ABCC5: variants seen among roughly 807,000 people sequenced by gnomAD.
The protein encoded by ABCC5 is ATP-binding cassette sub-family C member 5.
In ABCC5, 61 loss-of-function variants were observed where a neutral mutation model predicts 160.9. The observed-to-expected ratio is 0.38, with a 90% confidence interval of 0.31 to 0.47. ABCC5 has a LOEUF of 0.47. ABCC5 is among the 20% of genes least tolerant of loss of function. ABCC5 has a pLI of 0.99. For missense variants in ABCC5, 1,308 were observed against 1,813.3 expected, an observed-to-expected ratio of 0.72 and a Z score of 5.06; for synonymous variants, 666 against 700.6, an observed-to-expected ratio of 0.95 and a Z score of 0.78.
At chr3:183,972,636 T>C (rs1717864467) in intron 10 of ABCC5, among the ~76,000 whole-genome samples, 1 of 152,168 alleles carries the variant, frequency 6.6e-6, no homozygotes, top group South Asian at 2.1e-4. Flanking sequence ...CCCTGAGTTA[T>C]GTTAAAAGAA....
At chr3:183,931,324 C>CTTTTT (rs61449343) in intron 26 of ABCC5, among the ~76,000 whole-genome samples, 1 of 131,530 alleles carries the variant, frequency 7.6e-6, no homozygotes, top group Non-Finnish European at 1.6e-5. Context: ...ACAGGCTTAA[C>CTTTTT]TTTTTTTTTT....
At chr3:183,939,818 A>G (rs1214175689) in intron 25 of ABCC5, among the ~76,000 whole-genome samples, 1 of 152,120 alleles carries the variant, frequency 6.6e-6, no homozygotes, top group Non-Finnish European at 1.5e-5. Flanking sequence ...CTGTTGAATC[A>G]CTTTTCCTTG....
rs1715173533 is a variant in ABCC5 at position 183,949,805 on chromosome 3, G to C, written c.3175C>G (p.Gln1059Glu). 6.2e-7 allele frequency: 1 copy of C among 1,614,114 alleles called. No homozygotes were observed. The highest frequency in any genetic ancestry group is 1.7e-5 in the Admixed American group (1 of 60,004). The change falls in exon 22 of 30, where the codon CAG (glutamine) becomes GAG (glutamate). Residue 1059 changes from glutamine to glutamate, a missense_variant. This residue lies in a region of ABCC5 where 1,142 missense variants were observed against 1,527.1 expected (regional missense o/e 0.75). Coordinates refer to ENST00000334444, the MANE Select transcript of ABCC5 (RefSeq NM_005688.4). The surrounding 1 kb of genome is among the most constrained non-coding windows in gnomAD (Gnocchi z 4.2). Reference protein sequence around the residue: ...PFLSHITSSIQGLATIHAYNK... With the variant: ...PFLSHITSSIEGLATIHAYNK... ...TAGGCGTGGATGGTGGCAAGGCCCT[G>C]TATGCTGGACGTGATGTGGGAGAGG...
chr3:183,982,429 T>C lies in ABCC5; in HGVS notation c.999+22A>G. The C allele has an allele frequency of 1.2e-6, 2 of 1,609,236 alleles. No individual in the cohort carries two copies. The highest frequency in any genetic ancestry group is 1.7e-6 in the Non-Finnish European group (2 of 1,177,276). ...ATCTCCTAAGGAGAAGCTGCCAGGA[T>C]TCAGCTGGGAGGCTTACTCACCATT... On this transcript the variant is annotated intron_variant, in intron 7 of 29. Coordinates refer to ENST00000334444, the MANE Select transcript of ABCC5 (RefSeq NM_005688.4). This position sits in a 1 kb window ranked among gnomAD's most constrained non-coding sequence, Gnocchi z 5.2.
rs756225074 is a variant in ABCC5 at position 183,987,847 on chromosome 3, A to G, written c.514T>C (p.Trp172Arg). The change falls in exon 5 of 30, where the codon TGG (tryptophan) becomes CGG (arginine). Residue 172 changes from tryptophan to arginine, a missense_variant. Around this residue, in one of 3 missense-constraint regions of ABCC5, gnomAD observed 1,142 missense variants for 1,527.1 expected, o/e 0.75. Coordinates refer to ENST00000334444, the MANE Select transcript of ABCC5 (RefSeq NM_005688.4). This position sits in a 1 kb window ranked among gnomAD's most constrained non-coding sequence, Gnocchi z 4.2. ...PDAASLRRVVWIFCRTRLILS... is the reference protein window; with the variant it reads ...PDAASLRRVVRIFCRTRLILS... ...ATGAGCCTGGTGCGGCAGAAGATCCACACAACCCTTCGCAGGGAAGCAGCG... is the reference window on the plus strand; with the variant it reads ...ATGAGCCTGGTGCGGCAGAAGATCCGCACAACCCTTCGCAGGGAAGCAGCG... 6.2e-7 allele frequency: 1 copy of G among 1,614,246 alleles called. No individual in the cohort carries two copies. Among genetic ancestry groups the G allele is most frequent in the South Asian group, 1.1e-5 (1 of 91,080 alleles).
At chr3:183,956,678 T>C (rs1283589615) in intron 17 of ABCC5, among the ~76,000 whole-genome samples, 1 of 114,552 alleles carries the variant, frequency 8.7e-6, no homozygotes, top group Non-Finnish European at 1.8e-5. Context: ...GTATATCATA[T>C]AGGTTACATG....
chr3:184,015,318 C>A (rs1215645116), intron 1 of ABCC5, among the ~76,000 whole-genome samples: 1 of 152,156 alleles, frequency 6.6e-6, no homozygotes, highest in Non-Finnish European at 1.5e-5. Context: ...ACAAAAAACA[C>A]ATACATACTT....
chr3:183,962,141 A>G (rs886199174), intron 15 of ABCC5, among the ~76,000 whole-genome samples: 7 of 152,238 alleles, frequency 4.6e-5, no homozygotes, highest in Non-Finnish European at 1.0e-4. Context: ...AACCCAACGT[A>G]AATTGAAAAT....
At chr3:184,002,927 G>C (rs939266413) in intron 2 of ABCC5, among the ~76,000 whole-genome samples, 3 of 152,156 alleles carry the variant, frequency 2.0e-5, no homozygotes, top group African/African-American at 7.2e-5. Flanking sequence ...AAGGCTGCCT[G>C]CTCCTGTCTG....
intron 2 of ABCC5, chr3:184,001,080 C>G: frequency 2.5e-6 from 1 of 407,358 alleles, no homozygotes; most frequent in Non-Finnish European, 4.3e-6. Context: ...CTCCAAAACC[C>G]CATCACTATA....
intron 8 of ABCC5, among the ~76,000 whole-genome samples, chr3:183,979,035 G>A (rs1035253035): frequency 2.6e-4 from 39 of 152,148 alleles, no homozygotes; most frequent in African/African-American, 7.7e-4. Context: ...AATGGCACTG[G>A]AGAATTAAAA....
intron 20 of ABCC5, 144 bp from the exon 21 acceptor site, chr3:183,950,269 G>A: frequency 2.0e-6 from 2 of 976,220 alleles, no homozygotes; most frequent in Non-Finnish European, 2.9e-6. Flanking sequence ...GAAAAATTTA[G>A]AAACCTGGAT....
At chr3:183,953,041 C>A in intron 18 of ABCC5, 45 bp downstream of exon 18, 4 of 1,551,658 alleles carry the variant, frequency 2.6e-6, no homozygotes, top group Non-Finnish European at 3.5e-6. Flanking sequence ...GGAGAAACGG[C>A]CACATTCTTA....
chr3:184,007,299 C>T (rs976098986), intron 2 of ABCC5, among the ~76,000 whole-genome samples: 6 of 151,832 alleles, frequency 4.0e-5, no homozygotes, highest in South Asian at 4.2e-4. Context: ...AGATTACAGG[C>T]GTGAGCCACC....
In ABCC5 at chr3:183,983,666, C is replaced by G. The variant is rs1246878449; in HGVS notation, c.592-659G>C. ...AAGGCGGCCAGCCCCCAAGAACCAC[C>G]GAGTGCCACCTCCAGCTGAGGTCCT... On this transcript the variant is annotated intron_variant, in intron 5 of 29. Transcript: ENST00000334444. 3.3e-6 allele frequency: 3 copies of G among 898,106 alleles called. No homozygotes were observed. The South Asian group carries it at 1.5e-4, about 46-fold the overall frequency. The allele number at this position is 898,106 out of a possible 1,614,324, so 55.6% of individuals were successfully genotyped here.
chr3:183,976,250 A>AACAG, intron 10 of ABCC5, among the ~76,000 whole-genome samples: 2 of 151,652 alleles, frequency 1.3e-5, no homozygotes, highest in Non-Finnish European at 2.9e-5. Flanking sequence ...CAAACAAACA[A>AACAG]CAACAAAAAA....
At chr3:183,968,591 C>G (rs886146888) in intron 11 of ABCC5, among the ~76,000 whole-genome samples, 5 of 152,124 alleles carry the variant, frequency 3.3e-5, no homozygotes, top group African/African-American at 1.2e-4. Flanking sequence ...CCATCAATCC[C>G]ACAAAAAAGT....
At chr3:183,948,621 C>T (rs1036945272) in intron 22 of ABCC5, among the ~76,000 whole-genome samples, 11 of 152,054 alleles carry the variant, frequency 7.2e-5, no homozygotes, top group African/African-American at 2.7e-4. Flanking sequence ...TGTCTCATTC[C>T]CATCTTCCAG....
intron 2 of ABCC5, among the ~76,000 whole-genome samples, chr3:183,995,646 T>G (rs149490662): frequency 4.8e-4 from 73 of 152,322 alleles, no homozygotes; most frequent in African/African-American, 1.6e-3. Flanking sequence ...TGTCTACCCC[T>G]ACATTGATAC....
Sources: gnomAD v4.1 joint callset for allele counts (sites outside exome capture counted in the v4.1 genomes callset) on GRCh38, gnomAD v4.1.1 for gene constraint, gnomAD v4.1.1 regional missense constraint, Gnocchi (gnomAD v3.1) non-coding constraint, MANE v1.5 for transcripts, NCBI Gene and HGNC (gene_info 2026-07-23, HGNC 2026-07-21) for gene names.